The following SEMA3C variants were observed in gnomAD, a reference collection of about 807,000 sequenced individuals.
SEMA3C encodes semaphorin-3C.
Under a neutral mutation model 89.4 loss-of-function variants are expected in SEMA3C, and 47 were observed. The observed-to-expected ratio is 0.53, with a 90% CI of 0.42 to 0.67. The LOEUF is 0.67. SEMA3C is among the 30% of genes least tolerant of loss of function. The probability of loss-of-function intolerance (pLI) is 0.00; values close to 1 mark genes in which losing one functional copy is unlikely to be tolerated. For missense variants in SEMA3C, 839 were observed against 929.1 expected (o/e 0.90, Z 1.26); for synonymous variants, 310 against 320.2 (o/e 0.97, Z 0.34).
chr7:80,789,353 C>T lies in SEMA3C; in HGVS notation c.1307G>A (p.Arg436Gln), dbSNP rs1788879437. ...GTATCTCCCATCAGCAGCGTTCACT[C>T]GATCCACAGCTATCTTTGTATACTT... ...DYKYTKIAVDRVNAADGRYHV... is the reference protein window; with the variant it reads ...DYKYTKIAVDQVNAADGRYHV... The change falls in exon 12 of 18, where the codon CGA (arginine) becomes CAA (glutamine). Residue 436 changes from arginine (R) to glutamine (Q), a missense_variant. Physicochemically the swap from Arg to Gln is conservative, Grantham distance 43. Coordinates refer to ENST00000265361, the MANE Select transcript of SEMA3C (RefSeq NM_006379.5). 3.1e-6 allele frequency: 5 copies of T among 1,613,974 alleles called. No individual in the cohort carries two copies. Among genetic ancestry groups the T allele is most frequent in the Non-Finnish European group, 4.2e-6 (5 of 1,179,948 alleles).
At chr7:80,756,345 CCTTT>C (rs1180439802) in intron 15 of SEMA3C, among the ~76,000 whole-genome samples, 3 of 151,844 alleles carry the variant, frequency 2.0e-5, no homozygotes, top group Non-Finnish European at 4.4e-5. Flanking sequence ...GCCACCTCTT[CCTTT>C]ATTATCCCTC....
At chr7:80,857,111 G>C (rs2115968657) in intron 2 of SEMA3C, among the ~76,000 whole-genome samples, 1 of 152,128 alleles carries the variant, frequency 6.6e-6, no homozygotes, top group East Asian at 1.9e-4. Flanking sequence ...TTTTAAAAGT[G>C]TCTCATGACC....
intron 2 of SEMA3C, among the ~76,000 whole-genome samples, chr7:80,855,873 C>A (rs767185): frequency 0.97 from 147,688 of 152,246 alleles, 71,674 homozygotes; most frequent in East Asian, 1. Flanking sequence ...CTTCAACATG[C>A]AGCTCTTTAA....
At chr7:80,804,034 T>A in intron 8 of SEMA3C, 72 bp downstream of exon 8, 1 of 1,363,682 alleles carries the variant, frequency 7.3e-7, no homozygotes, top group South Asian at 1.8e-5. Context: ...TGGTTGATAA[T>A]AAAAGCACGG....
chr7:80,841,423 A>G lies in SEMA3C; in HGVS notation c.104-12678T>C, dbSNP rs1446376226. On this transcript the variant is annotated intron_variant, in intron 2 of 17. Coordinates refer to ENST00000265361, the MANE Select transcript of SEMA3C (RefSeq NM_006379.5). ...ATGCCCTGTCAGTTAAAAGGACTGTAATTACCCTTTGATCAAGAATCAGGC... is the reference window on the plus strand; with the variant it reads ...ATGCCCTGTCAGTTAAAAGGACTGTGATTACCCTTTGATCAAGAATCAGGC... 3.9e-5 allele frequency among the ~76,000 whole-genome samples: 6 copies of G among 152,146 alleles called. No individual in the cohort carries two copies. In the South Asian group the frequency reaches 8.3e-4, roughly 21 times the overall value.
At chr7:80,788,452 A>G (rs981216707) in intron 12 of SEMA3C, among the ~76,000 whole-genome samples, 2 of 152,130 alleles carry the variant, frequency 1.3e-5, no homozygotes, top group African/African-American at 4.8e-5. Context: ...GCTTGCGAAA[A>G]CACAGATGAG....
chr7:80,870,489 G>A (rs1222761753), intron 2 of SEMA3C, among the ~76,000 whole-genome samples: 1 of 152,212 alleles, frequency 6.6e-6, no homozygotes, highest in Non-Finnish European at 1.5e-5. Flanking sequence ...TAGCTGCAAA[G>A]CGAATCCTCC....
upstream of SEMA3C, among the ~76,000 whole-genome samples, chr7:80,920,289 C>T (rs534330940): frequency 6.6e-6 from 1 of 152,308 alleles, no homozygotes; most frequent in African/African-American, 2.4e-5. Flanking sequence ...CAAGCAGGCA[C>T]TTGCTTAAAA....
Position 80,904,258 on chromosome 7 carries a change from C to T in SEMA3C, c.103+12421G>A, listed in dbSNP as rs1355925350. 2.6e-5 allele frequency among the ~76,000 whole-genome samples: 4 copies of T among 152,236 alleles called. No individual in the cohort carries two copies. In the East Asian group the frequency reaches 7.8e-4, roughly 30 times the overall value. On this transcript the variant is annotated intron_variant, in intron 2 of 17. Coordinates refer to ENST00000265361, the MANE Select transcript of SEMA3C (RefSeq NM_006379.5). ...ATTTCACCATGTTGGCCAGGTTGGT[C>T]TCGAACTCCTGGCCTCAAGTGATCC...
chr7:80,784,170 G>A (rs1788750369), intron 12 of SEMA3C, among the ~76,000 whole-genome samples: 1 of 151,798 alleles, frequency 6.6e-6, no homozygotes, highest in African/African-American at 2.4e-5. Flanking sequence ...AGTCTGCTTT[G>A]AACAAACAGC....
chr7:80,791,924 T>C (rs143920891), intron 11 of SEMA3C, among the ~76,000 whole-genome samples: 286 of 152,312 alleles, frequency 1.9e-3, no homozygotes, highest in Middle Eastern at 6.8e-3. Flanking sequence ...GAGTGCAATA[T>C]TGAGACTTAC....
chr7:80,863,744 G>A (rs1364315944), intron 2 of SEMA3C, among the ~76,000 whole-genome samples: 3 of 138,232 alleles, frequency 2.2e-5, no homozygotes, highest in Admixed American at 1.4e-4. Flanking sequence ...ATATATAGTA[G>A]TATTCCATCA....
chr7:80,799,960 C>T (rs1321909518), intron 10 of SEMA3C, among the ~76,000 whole-genome samples: 4 of 151,460 alleles, frequency 2.6e-5, no homozygotes, highest in Non-Finnish European at 5.9e-5. Flanking sequence ...GACCATCCTG[C>T]CTTGAACATG....
intron 2 of SEMA3C, among the ~76,000 whole-genome samples, chr7:80,898,532 T>C (rs2116184775): frequency 6.6e-6 from 1 of 152,114 alleles, no homozygotes; most frequent in South Asian, 2.1e-4. Context: ...TGTATAAAAA[T>C]ATGCATGTGT....
intron 5 of SEMA3C, chr7:80,816,076 T>C (rs1015975404): frequency 7.3e-5 from 11 of 150,522 alleles, no homozygotes; most frequent in Non-Finnish European, 1.6e-4. Flanking sequence ...TAGGTCTTCA[T>C]GTAGCAAGGA....
At chr7:80,912,198 G>C (rs1792169217) in intron 2 of SEMA3C, among the ~76,000 whole-genome samples, 1 of 152,020 alleles carries the variant, frequency 6.6e-6, no homozygotes, top group South Asian at 2.1e-4. Flanking sequence ...TTTTTCTCTA[G>C]GAGAAATCCA....
At chr7:80,753,361 G>A (rs1787981873) in intron 15 of SEMA3C, among the ~76,000 whole-genome samples, 2 of 152,134 alleles carry the variant, frequency 1.3e-5, no homozygotes, top group South Asian at 4.1e-4. Context: ...CATCATGAGA[G>A]CGTTTTCAGC....
At chr7:80,763,580 T>C (rs1285704083) in intron 13 of SEMA3C, among the ~76,000 whole-genome samples, 4 of 152,216 alleles carry the variant, frequency 2.6e-5, no homozygotes, top group African/African-American at 9.6e-5. Flanking sequence ...CATAAGTAGT[T>C]AGCATGTGAT....
intron 2 of SEMA3C, among the ~76,000 whole-genome samples, chr7:80,914,704 T>C (rs923143527): frequency 3.9e-5 from 6 of 152,186 alleles, no homozygotes; most frequent in African/African-American, 1.2e-4. Context: ...TCAGGAATTA[T>C]AGAACTTTGA....
Sources: gnomAD v4.1 joint callset for allele counts (sites outside exome capture counted in the v4.1 genomes callset) on GRCh38, gnomAD v4.1.1 for gene constraint, MANE v1.5 for transcripts, NCBI Gene and HGNC (gene_info 2026-07-23, HGNC 2026-07-21) for gene names.